The following ATP8A1 variants were observed in gnomAD, a reference collection of about 807,000 sequenced individuals.
The protein encoded by ATP8A1 is phospholipid-transporting ATPase IA.
In ATP8A1, 90 loss-of-function variants were observed where a neutral mutation model predicts 177.7. The observed-to-expected ratio is 0.51, with a 90% CI of 0.43 to 0.60. The LOEUF (loss-of-function observed/expected upper bound fraction) is 0.60. Among genes scored for constraint, ATP8A1 ranks in the 20% least tolerant of loss-of-function variants. The pLI is 0.00. For synonymous variants in ATP8A1, 493 were observed against 485.9 expected (o/e 1.01, Z -0.19); for missense variants, 1,072 against 1,392.8 (o/e 0.77, Z 3.67).
intron 5 of ATP8A1, among the ~76,000 whole-genome samples, chr4:42,608,158 G>A (rs868686064): frequency 3.3e-5 from 5 of 152,026 alleles, no homozygotes; most frequent in Non-Finnish European, 5.9e-5. Flanking sequence ...GAGAACATTC[G>A]GGATTCCTCA....
chr4:42,476,151 A>G (rs1438057355), intron 25 of ATP8A1, among the ~76,000 whole-genome samples: 1 of 152,240 alleles, frequency 6.6e-6, no homozygotes, highest in African/African-American at 2.4e-5. Context: ...ACTACAGCAC[A>G]GGGCATACCA....
At chr4:42,429,263 G>C (rs73235563) in intron 33 of ATP8A1, among the ~76,000 whole-genome samples, 1 of 152,016 alleles carries the variant, frequency 6.6e-6, no homozygotes, top group Non-Finnish European at 1.5e-5. Context: ...CTTTTCTGTT[G>C]AAGGTTGACG....
chr4:42,572,939 A>C (rs903268279), intron 14 of ATP8A1, among the ~76,000 whole-genome samples: 5 of 152,158 alleles, frequency 3.3e-5, no homozygotes, highest in Admixed American at 2.0e-4. Flanking sequence ...AATTCACTTC[A>C]CTGGCAATTT....
chr4:42,639,341 C>G (rs367837588), intron 1 of ATP8A1, among the ~76,000 whole-genome samples: 1 of 152,114 alleles, frequency 6.6e-6, no homozygotes, highest in Non-Finnish European at 1.5e-5. Flanking sequence ...AGAGACCACT[C>G]GATTTTTCCC....
chr4:42,437,435 G>GA (rs1256743229), intron 33 of ATP8A1, among the ~76,000 whole-genome samples: 1 of 152,016 alleles, frequency 6.6e-6, no homozygotes. Context: ...AGTCAGGTCT[G>GA]AAAAAAAGTT....
At chr4:42,653,836 G>T (rs1195560512) in intron 1 of ATP8A1, among the ~76,000 whole-genome samples, 1 of 152,160 alleles carries the variant, frequency 6.6e-6, no homozygotes, top group Admixed American at 6.5e-5. Context: ...CTTTTAGCCT[G>T]CTCCTTCCAA....
At chr4:42,520,077 G>T (rs1332234102) in intron 22 of ATP8A1, among the ~76,000 whole-genome samples, 1 of 152,140 alleles carries the variant, frequency 6.6e-6, no homozygotes, top group Non-Finnish European at 1.5e-5. Context: ...CTTTTAATCA[G>T]TTATTAAAAG....
intron 16 of ATP8A1, among the ~76,000 whole-genome samples, chr4:42,554,298 A>G (rs1318013160): frequency 1.3e-5 from 2 of 152,158 alleles, no homozygotes; most frequent in Non-Finnish European, 2.9e-5. Context: ...AGATTCTAGC[A>G]ATCAGTGCCA....
chr4:42,478,428 A>G (rs1020603352), intron 25 of ATP8A1, among the ~76,000 whole-genome samples: 1 of 152,172 alleles, frequency 6.6e-6, no homozygotes, highest in African/African-American at 2.4e-5. Context: ...TTCAATACAC[A>G]TATGATAGAT....
chr4:42,608,722 A>T (rs1015996979), intron 5 of ATP8A1, among the ~76,000 whole-genome samples: 1 of 152,208 alleles, frequency 6.6e-6, no homozygotes, highest in Non-Finnish European at 1.5e-5. Context: ...TACTGTTGTC[A>T]TAGAGGAATA....
intron 20 of ATP8A1, among the ~76,000 whole-genome samples, chr4:42,536,054 T>A (rs1170785398): frequency 6.6e-6 from 1 of 152,122 alleles, no homozygotes; most frequent in Non-Finnish European, 1.5e-5. Flanking sequence ...CTCAAGGAAC[T>A]AGGGGAACAA....
At chr4:42,434,059 C>G (rs535867415) in intron 33 of ATP8A1, among the ~76,000 whole-genome samples, 4 of 152,222 alleles carry the variant, frequency 2.6e-5, no homozygotes, top group African/African-American at 9.6e-5. Context: ...AAACTATTCT[C>G]TAGGAATATA....
chr4:42,479,922 G>C (rs1036167187), intron 25 of ATP8A1, among the ~76,000 whole-genome samples: 13 of 151,102 alleles, frequency 8.6e-5, no homozygotes, highest in African/African-American at 2.9e-4. Context: ...ATCCCAAGCG[G>C]GTGCATTTAT....
chr4:42,464,393 T>G (rs947879980), intron 27 of ATP8A1, among the ~76,000 whole-genome samples: 1 of 151,882 alleles, frequency 6.6e-6, no homozygotes, highest in Non-Finnish European at 1.5e-5. Flanking sequence ...AGCCTCCTAG[T>G]AGCTGGAATT....
intron 22 of ATP8A1, among the ~76,000 whole-genome samples, chr4:42,518,148 T>C (rs1435568238): frequency 2.0e-5 from 3 of 152,220 alleles, no homozygotes; most frequent in Non-Finnish European, 2.9e-5. Context: ...TGAACAAACA[T>C]TGGAGGAACA....
chr4:42,534,952 A>T (rs892566342), intron 20 of ATP8A1, among the ~76,000 whole-genome samples: 1 of 152,216 alleles, frequency 6.6e-6, no homozygotes, highest in African/African-American at 2.4e-5. Context: ...TCGGAAAAAC[A>T]AATGCTCAGA....
At chr4:42,589,191 A>G (rs1228114699) in intron 7 of ATP8A1, among the ~76,000 whole-genome samples, 1 of 152,188 alleles carries the variant, frequency 6.6e-6, no homozygotes, top group East Asian at 1.9e-4. Context: ...AACTACAGAC[A>G]TCTAAGTTTG....
chr4:42,543,926 G>T lies in ATP8A1; in HGVS notation c.1713C>A (p.Cys571Ter). 1 of 1,610,348 alleles carries T rather than the reference G, an allele frequency of 6.2e-7. No homozygotes were observed. Among genetic ancestry groups the T allele is most frequent in the Non-Finnish European group, 8.5e-7 (1 of 1,177,820 alleles). The change falls in exon 20 of 37, where the codon TGC (cysteine) becomes TGA (stop). Residue 571 changes from cysteine (C) to a stop codon, truncating the protein, a stop_gained. Transcript: ENST00000381668. LOFTEE classifies it high-confidence loss of function. ...RTPSGKLRLY[C>*]KGADTVIYDR... is the part of the protein sequence containing the mutation. ...AAAAATAAAAACTTACAGCTCCTTT[G>T]CAGTAGAGTCGTAACTTTCCAGATG...
At chr4:42,479,101 A>G (rs1721389673) in intron 25 of ATP8A1, among the ~76,000 whole-genome samples, 1 of 152,216 alleles carries the variant, frequency 6.6e-6, no homozygotes, top group Admixed American at 6.5e-5. Context: ...CATGAGCTAC[A>G]GACACTTTAT....
Sources: allele counts gnomAD v4.1 joint callset (sites outside exome capture counted in the v4.1 genomes callset), GRCh38; gene constraint gnomAD v4.1.1; transcripts MANE v1.5; gene names NCBI Gene and HGNC (gene_info 2026-07-23, HGNC 2026-07-21).